The following SLC27A4 variants were observed in gnomAD, a reference collection of about 807,000 sequenced individuals.
The protein encoded by SLC27A4 is long-chain fatty acid transport protein 4.
A neutral mutation model predicts 64.4 loss-of-function variants in SLC27A4; 33 were observed. The ratio of observed to expected loss-of-function variants is 0.51; its 90% CI spans 0.39 to 0.68. SLC27A4 has a LOEUF of 0.68. SLC27A4 is among the 30% of genes least tolerant of loss of function. SLC27A4 has a pLI of 0.00. For missense variants in SLC27A4, 824 were observed against 883.5 expected (o/e 0.93, Z 0.85); for synonymous variants, 377 against 370.0 (o/e 1.02, Z -0.22).
intron 4 of SLC27A4, among the ~76,000 whole-genome samples, chr9:128,350,072 C>T (rs760731754): frequency 2.0e-4 from 31 of 152,258 alleles, no homozygotes; most frequent in Non-Finnish European, 3.8e-4. Flanking sequence ...CCGTGCCCAT[C>T]TTACTCACTG....
chr9:128,355,860 C>T (rs545982480), intron 12 of SLC27A4, 64 bp downstream of exon 12: 1 of 1,602,646 alleles, frequency 6.2e-7, no homozygotes. Context: ...TCTGGAGAGA[C>T]CCGGTTGGCT....
chr9:128,357,542 A>G (rs2131272137), intron 12 of SLC27A4, among the ~76,000 whole-genome samples: 1 of 152,244 alleles, frequency 6.6e-6, no homozygotes, highest in Middle Eastern at 3.4e-3. Flanking sequence ...GGCAGCCCTG[A>G]GGGAGCTGGG....
chr9:128,355,061 G>GGCCAGCTGGTGGGCCGC lies in SLC27A4; in HGVS notation c.1334_1350dup (p.Ile451AlafsTer48), dbSNP rs912686983. The GGCCAGCTGGTGGGCCGC allele has an allele frequency of 6.2e-7, 1 of 1,610,230 alleles. No homozygotes were observed. The highest frequency in any genetic ancestry group is 8.5e-7 in the Non-Finnish European group (1 of 1,178,580). On this transcript the variant is annotated frameshift_variant, in exon 10 of 13. Transcript: ENST00000300456. LOFTEE classifies it high-confidence loss of function. The stretch of plus-strand genomic sequence containing the variant: ...TGCCTTCCCCACCCCAGGTGAGCCG[G>GGCCAGCTGGTGGGCCGC]GCCAGCTGGTGGGCCGCATCATCCA...
intron 12 of SLC27A4, among the ~76,000 whole-genome samples, chr9:128,357,093 CAAAA>C (rs1318748501): frequency 2.1e-5 from 2 of 94,722 alleles, no homozygotes. Context: ...GACTCCGTCT[CAAAA>C]AAAAAAAAAA....
At chr9:128,348,886 A>G (rs565026116) in intron 4 of SLC27A4, among the ~76,000 whole-genome samples, 183 bp downstream of exon 4, 4 of 152,352 alleles carry the variant, frequency 2.6e-5, no homozygotes, top group Admixed American at 6.5e-5. Flanking sequence ...GTTACTGTGA[A>G]GGTGACATGA....
intron 6 of SLC27A4, among the ~76,000 whole-genome samples, chr9:128,351,596 A>G (rs1832737415): frequency 1.3e-5 from 2 of 151,926 alleles, no homozygotes; most frequent in Non-Finnish European, 2.9e-5. Flanking sequence ...GGGTGCCTGT[A>G]ATCCCAGCTA....
Position 128,355,741 on chromosome 9 carries a change from GC to G in SLC27A4, c.1723del (p.Leu575CysfsTer37), listed in dbSNP as rs1564403510. 6.2e-7 allele frequency: 1 copy of G among 1,613,794 alleles called. No individual in the cohort carries two copies. The highest frequency in any genetic ancestry group is 8.5e-7 in the Non-Finnish European group (1 of 1,180,034). On this transcript the variant is annotated frameshift_variant, in exon 12 of 13. Transcript: ENST00000300456. LOFTEE classifies it high-confidence loss of function. ...RFAQVLEKEL[P>X]LYARPIFLRL... ...TTGCTCAGGTCTTGGAGAAGGAACT[GC>G]CCCTGTATGCGCGCCCCATCTTCCT...
chr9:128,356,388 TGA>T (rs989667332), intron 12 of SLC27A4, among the ~76,000 whole-genome samples: 3 of 151,778 alleles, frequency 2.0e-5, no homozygotes, highest in Admixed American at 6.6e-5. Flanking sequence ...TGGAGCCAAG[TGA>T]GAGGGGCAGG....
At chr9:128,343,343 TTCTGGTCCCCCAAA>T (rs1377367411) in intron 2 of SLC27A4, 50 bp downstream of exon 2, 3 of 1,608,042 alleles carry the variant, frequency 1.9e-6, no homozygotes, top group Non-Finnish European at 2.6e-6. Flanking sequence ...TACAGTGAGC[TTCTGGTCCCCCAAA>T]TCTCCCCAGG....
intron 6 of SLC27A4, among the ~76,000 whole-genome samples, chr9:128,351,462 C>T (rs980935963): frequency 2.0e-5 from 3 of 151,936 alleles, no homozygotes; most frequent in Admixed American, 6.6e-5. Context: ...CAGTGGCTCA[C>T]GCCTGTAATC....
At chr9:128,352,830 G>T in intron 7 of SLC27A4, 83 bp downstream of exon 7, 1 of 1,188,994 alleles carries the variant, frequency 8.4e-7, no homozygotes. Flanking sequence ...CTGTCTTATA[G>T]CTGAGGTGGC....
intron 12 of SLC27A4, among the ~76,000 whole-genome samples, chr9:128,356,456 G>A (rs932990632): frequency 6.6e-6 from 1 of 152,258 alleles, no homozygotes; most frequent in Non-Finnish European, 1.5e-5. Context: ...GGGCCTTGCA[G>A]GCCAGGGTAA....
At chr9:128,344,000 G>A (rs1832616675) in intron 2 of SLC27A4, among the ~76,000 whole-genome samples, 1 of 152,200 alleles carries the variant, frequency 6.6e-6, no homozygotes, top group Admixed American at 6.5e-5. Context: ...CACACAGGCA[G>A]CTCAGCATTT....
At chr9:128,357,441 A>G (rs1357908079) in intron 12 of SLC27A4, among the ~76,000 whole-genome samples, 1 of 151,772 alleles carries the variant, frequency 6.6e-6, no homozygotes, top group African/African-American at 2.4e-5. Context: ...CTCTGTCTCA[A>G]AAAAAAAGCA....
intron 12 of SLC27A4, among the ~76,000 whole-genome samples, chr9:128,360,030 TC>T (rs1832875061): frequency 6.6e-6 from 1 of 152,158 alleles, no homozygotes; most frequent in African/African-American, 2.4e-5. Context: ...AGACCTCCGT[TC>T]TGGTCCCCAC....
rs953452221 is a variant in SLC27A4, at chr9:128,361,421, A to G, written c.*930A>G. The G allele has an allele frequency of 6.6e-6, 1 of 152,402 alleles. No individual in the cohort carries two copies. The highest frequency in any genetic ancestry group is 2.4e-5 in the African/African-American group (1 of 41,560). 9.4% of individuals were successfully genotyped at this position (152,402 alleles called of 1,614,324 possible). On this transcript the variant is annotated 3_prime_UTR_variant, in exon 13 of 13. Transcript: ENST00000300456. ...GCTGGTTCAGCCGGGGGCAGTGCCC[A>G]TGTGAATCTGGCAAGGTGTTTAACA...
In SLC27A4 at chr9:128,345,372, G is replaced by T. The variant is rs149240794; in HGVS notation, c.379G>T (p.Asp127Tyr). The T allele has an allele frequency of 1.7e-5, 28 of 1,613,728 alleles. No individual in the cohort carries two copies. In the African/African-American group the frequency reaches 3.5e-4, roughly 20 times the overall value. ...GCAGGCCCGGGGCCTGGCCTCGGGC[G>T]ATGTGGCTGCCATCTTCATGGAGAA... ...FLQARGLASGDVAAIFMENRN... is the reference protein window; with the variant it reads ...FLQARGLASGYVAAIFMENRN... Residue 127 changes from aspartate to tyrosine, a missense_variant, in exon 3 of 13, where the codon GAT becomes TAT. By Grantham distance (160) the Asp-to-Tyr change is radical. Coordinates refer to ENST00000300456, the MANE Select transcript of SLC27A4 (RefSeq NM_005094.4). This position sits in a 1 kb window ranked among gnomAD's most constrained non-coding sequence, Gnocchi z 4.1.
intron 3 of SLC27A4, among the ~76,000 whole-genome samples, chr9:128,347,232 C>G (rs1302661851): frequency 1.3e-5 from 2 of 152,208 alleles, no homozygotes; most frequent in Non-Finnish European, 2.9e-5. Flanking sequence ...GCTCTAATCT[C>G]TATAAAGACC....
chr9:128,353,619 T>C lies in SLC27A4; in HGVS notation c.1324+78T>C. 1 of 1,501,450 alleles carries C rather than the reference T, an allele frequency of 6.7e-7. No homozygotes were observed. Among genetic ancestry groups the C allele is most frequent in the South Asian group, 1.2e-5 (1 of 83,460 alleles). 93.0% of individuals were successfully genotyped at this position (1,501,450 alleles called of 1,614,324 possible). A position where few individuals can be genotyped will look rare whatever the true frequency, so the allele number is the denominator to read the frequency against. On this transcript the variant is annotated intron_variant, in intron 9 of 12. Transcript: ENST00000300456. The surrounding 1 kb of genome is among the most constrained non-coding windows in gnomAD (Gnocchi z 4.9). ...CCAGGCGCGTGTGGATGGGGAGCCT[T>C]GTTCTGACCAGTGGCCATCAGTTAT...
Sources: gnomAD v4.1 joint callset for allele counts (sites outside exome capture counted in the v4.1 genomes callset) on GRCh38, gnomAD v4.1.1 for gene constraint, Gnocchi (gnomAD v3.1) non-coding constraint, MANE v1.5 for transcripts, NCBI Gene and HGNC (gene_info 2026-07-23, HGNC 2026-07-21) for gene names.